The following PUM3 variants were observed in gnomAD, a reference collection of about 807,000 sequenced individuals.
PUM3 encodes pumilio homolog 3.
Under a neutral mutation model 84.0 loss-of-function variants are expected in PUM3, and 91 were observed. The ratio of observed to expected loss-of-function variants is 1.08; its 90% CI spans 0.91 to 1.29. PUM3 has a LOEUF of 1.29. Ranked by LOEUF, PUM3 falls within the 50% of genes most tolerant of loss-of-function variation. The probability of loss-of-function intolerance (pLI) is 0.00; values close to 1 mark genes in which losing one functional copy is unlikely to be tolerated. For missense variants in PUM3, 1,067 were observed against 767.5 expected (o/e 1.39, Z -4.61); for synonymous variants, 321 against 266.7 (o/e 1.20, Z -1.98).
chr9:2,837,804 C>G (rs939556959), intron 2 of PUM3, among the ~76,000 whole-genome samples: 2 of 152,124 alleles, frequency 1.3e-5, no homozygotes, highest in African/African-American at 4.8e-5. Flanking sequence ...TAAGAAATGA[C>G]TTCTTGAACA....
chr9:2,810,915 G>T (rs73394630), intron 15 of PUM3, among the ~76,000 whole-genome samples: 407 of 152,320 alleles, frequency 2.7e-3, no homozygotes, highest in African/African-American at 9.4e-3. Flanking sequence ...TCCTCTTCAA[G>T]AGCAATACCA....
intron 3 of PUM3, 84 bp downstream of exon 3, chr9:2,837,095 GA>G (rs1214813951): frequency 7.9e-6 from 9 of 1,139,162 alleles, no homozygotes; most frequent in Non-Finnish European, 1.2e-5. Context: ...CAAGGAATAA[GA>G]ATGTGAGGTT....
At chr9:2,822,750 A>T (rs1815688425) in intron 12 of PUM3, among the ~76,000 whole-genome samples, 1 of 148,036 alleles carries the variant, frequency 6.8e-6, no homozygotes, top group African/African-American at 2.5e-5. Context: ...ATGTTATATA[A>T]TATATAACAT....
chr9:2,810,512 G>A (rs533507477), intron 15 of PUM3, 81 bp from the exon 16 acceptor site: 12 of 955,504 alleles, frequency 1.3e-5, no homozygotes, highest in Non-Finnish European at 1.9e-5. Flanking sequence ...TACTATTTAT[G>A]CCACCACATA....
At chr9:2,822,775 T>C (rs1356811968) in intron 12 of PUM3, among the ~76,000 whole-genome samples, 1 of 148,750 alleles carries the variant, frequency 6.7e-6, no homozygotes, top group African/African-American at 2.4e-5. Flanking sequence ...ATTCATATTA[T>C]AATTATGAAT....
At chr9:2,829,573 A>C (rs1419994144) in intron 8 of PUM3, among the ~76,000 whole-genome samples, 6 of 152,242 alleles carry the variant, frequency 3.9e-5, no homozygotes, top group African/African-American at 1.4e-4. Context: ...GGGGATTTAA[A>C]GCCAATGCTC....
At chr9:2,829,743 A>G (rs374205556) in intron 8 of PUM3, 31 bp downstream of exon 8, 81 of 1,580,782 alleles carry the variant, frequency 5.1e-5, no homozygotes, top group Non-Finnish European at 6.9e-5. Flanking sequence ...GAAAAGTAAA[A>G]ATACTAGAAA....
At chr9:2,829,700 T>G in intron 8 of PUM3, 74 bp downstream of exon 8, 2 of 1,275,172 alleles carry the variant, frequency 1.6e-6, no homozygotes, top group Non-Finnish European at 2.2e-6. Context: ...TCAAAAGATA[T>G]ATAGGGCACC....
chr9:2,840,242 T>C (rs766282320), intron 1 of PUM3, among the ~76,000 whole-genome samples: 1 of 152,236 alleles, frequency 6.6e-6, no homozygotes, highest in South Asian at 2.1e-4. Flanking sequence ...TTCTCCACTG[T>C]GAAGTTGCCA....
chr9:2,843,637 G>C (rs924111201), intron 1 of PUM3, among the ~76,000 whole-genome samples: 1 of 145,318 alleles, frequency 6.9e-6, no homozygotes, highest in Admixed American at 7.0e-5. Context: ...GGAGTGTAGT[G>C]GCACGATCTT....
intron 1 of PUM3, among the ~76,000 whole-genome samples, chr9:2,843,286 C>T (rs1816316301): frequency 6.6e-6 from 1 of 152,102 alleles, no homozygotes; most frequent in African/African-American, 2.4e-5. Flanking sequence ...AGGAACTTAG[C>T]CCATTATCGC....
At chr9:2,805,143 T>G (rs1821234799) in intron 17 of PUM3, among the ~76,000 whole-genome samples, 1 of 152,180 alleles carries the variant, frequency 6.6e-6, no homozygotes, top group African/African-American at 2.4e-5. Flanking sequence ...ACCTTCCACC[T>G]CACAGAGTGG....
intron 13 of PUM3, among the ~76,000 whole-genome samples, chr9:2,814,191 A>C (rs1821424638): frequency 6.6e-6 from 1 of 152,280 alleles, no homozygotes; most frequent in Admixed American, 6.5e-5. Flanking sequence ...CAAGGAAAAC[A>C]AGCTCCAAAG....
At chr9:2,827,832 T>C (rs1815864859) in intron 9 of PUM3, among the ~76,000 whole-genome samples, 1 of 152,214 alleles carries the variant, frequency 6.6e-6, no homozygotes, top group Non-Finnish European at 1.5e-5. Context: ...GTCTGTACTA[T>C]TATTATCCCA....
At chr9:2,819,168 C>G (rs1273142404) in intron 13 of PUM3, among the ~76,000 whole-genome samples, 2 of 152,200 alleles carry the variant, frequency 1.3e-5, no homozygotes, top group Non-Finnish European at 2.9e-5. Context: ...TATCCCCACC[C>G]TGCTGCAACC....
Position 2,838,561 on chromosome 9 carries a change from C to T in PUM3, c.-10-44G>A. 4 of 1,186,366 alleles carry T rather than the reference C, an allele frequency of 3.4e-6. No individual in the cohort carries two copies. The Admixed American group carries it at 6.9e-5, about 20-fold the overall frequency. The allele number at this position is 1,186,366 out of a possible 1,614,324, so 73.5% of individuals were successfully genotyped here. A position where few individuals can be genotyped will look rare whatever the true frequency, so the allele number is the denominator to read the frequency against. ...AACCAAAAACAATCACTGCAGTTCT[C>T]TTCATCAAATAAGAGCTGTTTCATA... On this transcript the variant is annotated intron_variant, in intron 1 of 17. Transcript: ENST00000397885.
At chr9:2,827,807 C>A (rs1815864404) in intron 9 of PUM3, among the ~76,000 whole-genome samples, 1 of 152,212 alleles carries the variant, frequency 6.6e-6, no homozygotes, top group African/African-American at 2.4e-5. Context: ...TTAATCTTCA[C>A]AAAATTCCTA....
chr9:2,843,789 A>G (rs886388191), intron 1 of PUM3, among the ~76,000 whole-genome samples: 21 of 151,842 alleles, frequency 1.4e-4, no homozygotes, highest in Admixed American at 6.5e-4. Flanking sequence ...CGTGTTAGCC[A>G]GGATGGTCTC....
At chr9:2,837,092 T>C (rs1397298820) in intron 3 of PUM3, 88 bp downstream of exon 3, 2 of 1,113,804 alleles carry the variant, frequency 1.8e-6, no homozygotes, top group Non-Finnish European at 2.7e-6. Context: ...TGCCAAGGAA[T>C]AAGAATGTGA....
Sources: gnomAD v4.1 joint callset for allele counts (sites outside exome capture counted in the v4.1 genomes callset) on GRCh38, gnomAD v4.1.1 for gene constraint, MANE v1.5 for transcripts, NCBI Gene and HGNC (gene_info 2026-07-23, HGNC 2026-07-21) for gene names.